Variants in ABLIM2 observed in about 807,000 individuals in gnomAD.
ABLIM2 encodes actin-binding LIM protein 2.
Under a neutral mutation model 97.7 loss-of-function variants are expected in ABLIM2, and 53 were observed. The ratio of observed to expected loss-of-function variants is 0.54; its 90% confidence interval spans 0.44 to 0.68. ABLIM2 has a LOEUF of 0.68. ABLIM2 is among the 30% of genes least tolerant of loss of function. The pLI is 0.00. For synonymous variants in ABLIM2, 361 were observed against 345.8 expected (o/e 1.04, Z -0.49); for missense variants, 835 against 867.2 (o/e 0.96, Z 0.47).
rs1219055366 is a variant in ABLIM2 at position 8,021,239 on chromosome 4, A to G, written c.1268-936T>C. Among the ~76,000 whole-genome samples, 1 of 152,168 alleles carries G rather than the reference A, an allele frequency of 6.6e-6. No individual in the cohort carries two copies. Among genetic ancestry groups the G allele is most frequent in the Admixed American group, 6.5e-5 (1 of 15,282 alleles). ...GCTTCAATTGCTGAGCTCACCTGGA[A>G]CTATAATTCTGTTTTGCGAACAAGG... On this transcript the variant is annotated intron_variant, in intron 12 of 20. Coordinates refer to ENST00000447017, the MANE Select transcript of ABLIM2 (RefSeq NM_001130083.2). This position sits in a 1 kb window ranked among gnomAD's most constrained non-coding sequence, Gnocchi z 5.5.
intron 1 of ABLIM2, among the ~76,000 whole-genome samples, chr4:8,114,267 C>T (rs998335462): frequency 2.0e-5 from 3 of 152,066 alleles, no homozygotes; most frequent in South Asian, 2.1e-4. Flanking sequence ...GGCTCTCACA[C>T]ACCATGGGGC....
intron 1 of ABLIM2, among the ~76,000 whole-genome samples, chr4:8,137,870 G>A (rs762880099): frequency 5.9e-5 from 9 of 152,246 alleles, no homozygotes; most frequent in Admixed American, 1.3e-4. Flanking sequence ...ACACACCCAC[G>A]TTCACAGCAG....
chr4:8,093,816 G>A (rs1253293331), intron 3 of ABLIM2, among the ~76,000 whole-genome samples: 1 of 152,094 alleles, frequency 6.6e-6, no homozygotes, highest in Non-Finnish European at 1.5e-5. Context: ...ATTTGATTAG[G>A]ATAGATTTGG....
At chr4:8,012,560 A>C (rs1227478112) in intron 14 of ABLIM2, among the ~76,000 whole-genome samples, 5 of 135,544 alleles carry the variant, frequency 3.7e-5, no homozygotes, top group Non-Finnish European at 6.2e-5. Flanking sequence ...CCACTCACCC[A>C]TCTATCCACT....
At position 8,001,111 on chromosome 4, in the gene ABLIM2, G is replaced by C. The variant is rs923118174; in HGVS notation, c.1618+6948C>G. On this transcript the variant is annotated intron_variant, in intron 16 of 20. Coordinates refer to ENST00000447017, the MANE Select transcript of ABLIM2 (RefSeq NM_001130083.2). The surrounding 1 kb of genome is among the most constrained non-coding windows in gnomAD (Gnocchi z 4.2). The stretch of plus-strand genomic sequence containing the variant: ...GGGTCCCCTCTCTGAGCCTTGGTGT[G>C]TCCATCTGAGGAAGACGGGCACCCC... 2.0e-5 allele frequency among the ~76,000 whole-genome samples: 3 copies of C among 152,164 alleles called. No individual in the cohort carries two copies. Among genetic ancestry groups the C allele is most frequent in the Non-Finnish European group, 4.4e-5 (3 of 68,018 alleles).
intron 5 of ABLIM2, 31 bp from the exon 6 acceptor site, chr4:8,077,752 G>T: frequency 6.3e-7 from 1 of 1,583,686 alleles, no homozygotes; most frequent in Non-Finnish European, 8.6e-7. Flanking sequence ...AACACAGGGC[G>T]GGTGTCGCCC....
At chr4:8,000,406 G>A (rs1489606661) in intron 16 of ABLIM2, among the ~76,000 whole-genome samples, 1 of 152,158 alleles carries the variant, frequency 6.6e-6, no homozygotes, top group African/African-American at 2.4e-5. Context: ...TACAGATGAG[G>A]GAACTTCAAA....
Position 8,075,959 on chromosome 4 carries a change from GCTAA to G in ABLIM2, c.675+1665_675+1668del, listed in dbSNP as rs1815745053. Among the ~76,000 whole-genome samples the G allele has an allele frequency of 6.6e-6, 1 of 152,196 alleles. No individual in the cohort carries two copies. Among genetic ancestry groups the G allele is most frequent in the Non-Finnish European group, 1.5e-5 (1 of 68,036 alleles). On this transcript the variant is annotated intron_variant, in intron 6 of 20. Coordinates refer to ENST00000447017, the MANE Select transcript of ABLIM2 (RefSeq NM_001130083.2). The surrounding 1 kb of genome is among the most constrained non-coding windows in gnomAD (Gnocchi z 4.4). ...GAAAGAAAACTGGCCAGAAAGTTAG[GCTAA>G]CTATGATTGCATAGTCAGTGGTTTT... is the stretch of plus-strand genomic sequence containing the variant.
chr4:7,984,671 G>A (rs1272086796), intron 18 of ABLIM2, among the ~76,000 whole-genome samples, 168 bp downstream of exon 18: 1 of 152,188 alleles, frequency 6.6e-6, no homozygotes, highest in Non-Finnish European at 1.5e-5. Context: ...ACTGACTTTT[G>A]GCCAGGAGAG....
intron 6 of ABLIM2, among the ~76,000 whole-genome samples, chr4:8,066,332 A>G (rs1420252561): frequency 1.6e-5 from 2 of 128,976 alleles, no homozygotes; most frequent in Non-Finnish European, 3.3e-5. Context: ...GAAAAAAGAA[A>G]GGAGGGAGGG....
Position 8,112,207 on chromosome 4 carries a change from G to A in ABLIM2, c.11-5570C>T, listed in dbSNP as rs1160416706. ...ACAACCTTCACAACAAAGGGACGTG[G>A]CTCTCTCAGGAAATCCCCCTGCCTC... On this transcript the variant is annotated intron_variant, in intron 1 of 20. Coordinates refer to ENST00000447017, the MANE Select transcript of ABLIM2 (RefSeq NM_001130083.2). The surrounding 1 kb of genome is among the most constrained non-coding windows in gnomAD (Gnocchi z 4.2). 1.3e-5 allele frequency among the ~76,000 whole-genome samples: 2 copies of A among 152,286 alleles called. No homozygotes were observed. The highest frequency in any genetic ancestry group is 3.9e-4 in the East Asian group (2 of 5,170).
chr4:7,976,835 A>G (rs1010552710), intron 20 of ABLIM2, among the ~76,000 whole-genome samples: 2 of 152,170 alleles, frequency 1.3e-5, no homozygotes, highest in Non-Finnish European at 2.9e-5. Flanking sequence ...ACATACACAC[A>G]TGCACACACA....
intron 6 of ABLIM2, among the ~76,000 whole-genome samples, chr4:8,070,373 T>C (rs548309131): frequency 6.6e-6 from 1 of 152,062 alleles, no homozygotes; most frequent in East Asian, 1.9e-4. Flanking sequence ...TAGTTAGCTG[T>C]GGGGGTGGCA....
intron 14 of ABLIM2, among the ~76,000 whole-genome samples, chr4:8,013,790 C>T (rs1362147758): frequency 6.6e-6 from 1 of 152,238 alleles, no homozygotes; most frequent in Non-Finnish European, 1.5e-5. Context: ...AAGAGAGATG[C>T]TTCCAGGGAA....
intron 9 of ABLIM2, among the ~76,000 whole-genome samples, chr4:8,039,056 T>C (rs1480221523): frequency 6.6e-6 from 1 of 152,168 alleles, no homozygotes; most frequent in African/African-American, 2.4e-5. Context: ...CAAGTTAGTG[T>C]TGATCTTCAT....
In ABLIM2 at chr4:8,075,673, C is replaced by A. The variant is rs145993169; in HGVS notation, c.675+1955G>T. Among the ~76,000 whole-genome samples the A allele has an allele frequency of 2.7e-3, 415 of 152,204 alleles. 1 individual carries two copies. The highest frequency in any genetic ancestry group is 9.3e-3 in the African/African-American group (388 of 41,514). On this transcript the variant is annotated intron_variant, in intron 6 of 20. Coordinates refer to ENST00000447017, the MANE Select transcript of ABLIM2 (RefSeq NM_001130083.2). This position sits in a 1 kb window ranked among gnomAD's most constrained non-coding sequence, Gnocchi z 4.4. ...CACCACCGCACTCCAGCCTGGGCAA[C>A]TGAGTGAGAACCTCTCCAAAAAAAG... is the stretch of plus-strand genomic sequence containing the variant.
rs758634310 is a variant in ABLIM2, at chr4:8,020,257, G to A, written c.1314C>T (p.Asp438=). Residue 438 remains aspartate (D), a synonymous_variant, in exon 13 of 21, where the codon GAC becomes GAT. Transcript: ENST00000447017. ...GGTAGGTGGAGGGGGGCGGCTTGCT[G>A]TCAGAGAGCACGGAGAGGCTGGGGG... ...RSTPSLSVLS[D]SKPPPSTYQQ... 1.2e-6 allele frequency: 2 copies of A among 1,613,984 alleles called. No individual in the cohort carries two copies. The highest frequency in any genetic ancestry group is 1.3e-5 in the African/African-American group (1 of 75,058).
intron 6 of ABLIM2, among the ~76,000 whole-genome samples, chr4:8,062,268 G>T (rs2152130628): frequency 6.6e-6 from 1 of 152,274 alleles, no homozygotes; most frequent in South Asian, 2.1e-4. Flanking sequence ...CCCACTAGAT[G>T]GCCAGTCTCT....
chr4:8,100,008 C>G (rs1256066226), intron 2 of ABLIM2, among the ~76,000 whole-genome samples: 3 of 152,174 alleles, frequency 2.0e-5, no homozygotes, highest in Non-Finnish European at 4.4e-5. Context: ...TGGCAGGAGG[C>G]AGGGCAGGTG....
Sources: gnomAD v4.1 joint callset for allele counts (sites outside exome capture counted in the v4.1 genomes callset) on GRCh38, gnomAD v4.1.1 for gene constraint, Gnocchi (gnomAD v3.1) non-coding constraint, MANE v1.5 for transcripts, NCBI Gene and HGNC (gene_info 2026-07-23, HGNC 2026-07-21) for gene names.